The following CFAP54 variants were observed in gnomAD, a reference collection of about 807,000 sequenced individuals.
CFAP54 encodes cilia and flagella associated protein 54, also known as cilia- and flagella-associated protein 54.
A neutral mutation model predicts 370.4 loss-of-function variants in CFAP54; 290 were observed. That is an observed-to-expected ratio of 0.78 (90% CI 0.71 to 0.86). CFAP54 has a LOEUF of 0.86. CFAP54 is among the 40% of genes least tolerant of loss of function. The pLI, the probability that CFAP54 is intolerant of heterozygous loss-of-function variation, is 0.00. For synonymous variants in CFAP54, 1,206 were observed against 1,236.5 expected, an observed-to-expected ratio of 0.98 and a Z score of 0.52; for missense variants, 3,399 against 3,528.7, an observed-to-expected ratio of 0.96 and a Z score of 0.93.
chr12:96,803,086 A>G (rs1190286354), intron 63 of CFAP54, among the ~76,000 whole-genome samples: 1 of 152,144 alleles, frequency 6.6e-6, no homozygotes, highest in African/African-American at 2.4e-5. Flanking sequence ...ATTGATGGGC[A>G]TTTGGGTTGG....
At chr12:96,499,947 A>AAAAGC in intron 1 of CFAP54, among the ~76,000 whole-genome samples, 1 of 148,802 alleles carries the variant, frequency 6.7e-6, no homozygotes, top group African/African-American at 2.5e-5. Context: ...ACTCCATCTC[A>AAAAGC]AAAACAAAAC....
At chr12:96,811,191 A>C (rs1417043052) in intron 63 of CFAP54, among the ~76,000 whole-genome samples, 1 of 152,218 alleles carries the variant, frequency 6.6e-6, no homozygotes, top group Non-Finnish European at 1.5e-5. Flanking sequence ...AGGTGCTATA[A>C]CTTATGCAAC....
chr12:96,692,162 C>A (rs1378741729), intron 44 of CFAP54, among the ~76,000 whole-genome samples: 2 of 151,696 alleles, frequency 1.3e-5, no homozygotes, highest in South Asian at 2.1e-4. Flanking sequence ...TATTTATTGC[C>A]CCCTGATATG....
intron 1 of CFAP54, among the ~76,000 whole-genome samples, chr12:96,494,466 A>G (rs896957437): frequency 6.6e-6 from 1 of 151,820 alleles, no homozygotes; most frequent in African/African-American, 2.4e-5. Flanking sequence ...ACGCCCGGCT[A>G]ATTTTTGTGT....
intron 47 of CFAP54, among the ~76,000 whole-genome samples, chr12:96,706,923 G>C (rs1957553269): frequency 6.6e-6 from 1 of 152,062 alleles, no homozygotes. Flanking sequence ...TGTGAATTTG[G>C]AGTTCAGAAG....
chr12:96,652,760 A>G (rs780574268), intron 36 of CFAP54, among the ~76,000 whole-genome samples: 27 of 152,196 alleles, frequency 1.8e-4, no homozygotes, highest in Non-Finnish European at 3.5e-4. Context: ...AGCACTCTGA[A>G]TATAAAGAAA....
chr12:96,594,465 C>G lies in CFAP54; in HGVS notation c.3516+19C>G. ...TGTACAGGTAAGGGTATTCCTCTCC[C>G]CAAGAGAAGGGAATCTTTATAAAGG... On this transcript the variant is annotated intron_variant, in intron 25 of 67. Transcript: ENST00000524981. 1.4e-6 allele frequency: 2 copies of G among 1,441,834 alleles called. No homozygotes were observed. Among genetic ancestry groups the G allele is most frequent in the Non-Finnish European group, 1.8e-6 (2 of 1,085,884 alleles). The allele number at this position is 1,441,834 out of a possible 1,614,324, so 89.3% of individuals were successfully genotyped here.
Position 96,727,785 on chromosome 12 carries a change from A to C in CFAP54, c.6965+7220A>C, listed in dbSNP as rs944563693. ...TCTTCCTAGTCTCGATGGTCTTTACATTTTGGCATTATTTTGCAGCGGCTG... is the reference window on the plus strand; with the variant it reads ...TCTTCCTAGTCTCGATGGTCTTTACCTTTTGGCATTATTTTGCAGCGGCTG... On this transcript the variant is annotated intron_variant, in intron 50 of 67. Coordinates refer to ENST00000524981, the MANE Select transcript of CFAP54 (RefSeq NM_001306084.2). 4.7e-3 allele frequency among the ~76,000 whole-genome samples: 714 copies of C among 151,114 alleles called. 4 individuals are homozygous for C. Among genetic ancestry groups the C allele is most frequent in the African/African-American group, 0.016 (678 of 41,120 alleles).
chr12:96,574,883 CATT>C (rs559066445), intron 19 of CFAP54, among the ~76,000 whole-genome samples: 76 of 152,100 alleles, frequency 5.0e-4, no homozygotes, highest in South Asian at 1.5e-3. Context: ...AGTTTTATAA[CATT>C]ATTTGAGAGG....
At chr12:96,680,841 TGGGAGGCCAAGGA>T (rs1370409028) in intron 40 of CFAP54, among the ~76,000 whole-genome samples, 5 of 152,166 alleles carry the variant, frequency 3.3e-5, no homozygotes, top group African/African-American at 1.2e-4. Flanking sequence ...CCCAGCACTT[TGGGAGGCCAAGGA>T]GGGCAGATCA....
At chr12:96,781,487 G>A (rs908420817) in intron 60 of CFAP54, among the ~76,000 whole-genome samples, 2 of 152,032 alleles carry the variant, frequency 1.3e-5, no homozygotes, top group African/African-American at 4.8e-5. Context: ...TCATAATAAT[G>A]TAAGTATTGT....
intron 19 of CFAP54, among the ~76,000 whole-genome samples, chr12:96,570,470 T>C (rs1435756499): frequency 2.0e-5 from 3 of 152,180 alleles, no homozygotes; most frequent in African/African-American, 7.2e-5. Context: ...TTAAGGGTAT[T>C]GCATAGGAAA....
chr12:96,544,774 G>A (rs1955619792), intron 14 of CFAP54, among the ~76,000 whole-genome samples: 1 of 152,144 alleles, frequency 6.6e-6, no homozygotes, highest in African/African-American at 2.4e-5. Flanking sequence ...CAGTTGTGGA[G>A]GCTGAGAAGT....
chr12:96,547,570 A>T (rs1955653756), intron 14 of CFAP54, among the ~76,000 whole-genome samples: 1 of 152,208 alleles, frequency 6.6e-6, no homozygotes, highest in African/African-American at 2.4e-5. Context: ...TTACGTTACA[A>T]GATTTTTTTA....
intron 60 of CFAP54, among the ~76,000 whole-genome samples, chr12:96,777,286 G>A (rs931097408): frequency 2.0e-5 from 3 of 151,966 alleles, no homozygotes; most frequent in Admixed American, 6.5e-5. Flanking sequence ...GATGAAAAAA[G>A]TGTGTGCTCA....
intron 32 of CFAP54, among the ~76,000 whole-genome samples, chr12:96,638,278 G>A (rs1249340555): frequency 6.7e-6 from 1 of 149,652 alleles, no homozygotes; most frequent in Admixed American, 6.7e-5. Flanking sequence ...TGGTTATCCA[G>A]GCTGGAGTGC....
At chr12:96,544,723 T>G (rs1194526625) in intron 14 of CFAP54, among the ~76,000 whole-genome samples, 1 of 152,150 alleles carries the variant, frequency 6.6e-6, no homozygotes, top group Non-Finnish European at 1.5e-5. Flanking sequence ...TTAGAATACC[T>G]GAAACTGAGT....
intron 33 of CFAP54, chr12:96,646,414 G>T (rs1415477041): frequency 1.3e-5 from 2 of 152,194 alleles, no homozygotes; most frequent in Non-Finnish European, 2.9e-5. Flanking sequence ...TCTCACACCA[G>T]TTAGAATGGC....
intron 65 of CFAP54, among the ~76,000 whole-genome samples, chr12:96,824,699 C>T (rs144606375): frequency 2.0e-5 from 3 of 152,164 alleles, no homozygotes; most frequent in Admixed American, 6.5e-5. Flanking sequence ...TAGAAGCTGG[C>T]CCACTTCTAG....
Sources: gnomAD v4.1 joint callset for allele counts (sites outside exome capture counted in the v4.1 genomes callset) on GRCh38, gnomAD v4.1.1 for gene constraint, MANE v1.5 for transcripts, NCBI Gene and HGNC (gene_info 2026-07-23, HGNC 2026-07-21) for gene names.